Variants in SPATA9 observed in about 807,000 individuals in gnomAD.
The protein encoded by SPATA9 is spermatogenesis associated 9, also known as spermatogenesis-associated protein 9.
In SPATA9, 27 loss-of-function variants were observed where a neutral mutation model predicts 25.5. That is an observed-to-expected ratio of 1.06 (90% CI 0.78 to 1.46). SPATA9 has a LOEUF of 1.46. Among genes scored for constraint, SPATA9 ranks in the 40% most tolerant of loss-of-function variants. SPATA9 has a pLI of 0.00. For missense variants in SPATA9, 282 were observed against 297.5 expected (o/e 0.95, Z 0.38); for synonymous variants, 102 against 105.7 (o/e 0.97, Z 0.21).
intron 1 of SPATA9, among the ~76,000 whole-genome samples, chr5:95,690,351 T>A (rs10038706): frequency 6.6e-6 from 1 of 152,026 alleles, no homozygotes; most frequent in Non-Finnish European, 1.5e-5. Flanking sequence ...GGTATCTAAA[T>A]TCTGGGCTTT....
At chr5:95,731,523 C>T in the SPATA9 span, 38 of 1,299,816 alleles carry the variant, frequency 2.9e-5, no homozygotes, top group African/African-American at 3.0e-4. Flanking sequence ...CTGGCGCGGC[C>T]CCGGCCCCGC....
At chr5:95,695,730 T>C (rs1409130080) in intron 1 of SPATA9, among the ~76,000 whole-genome samples, 2 of 152,208 alleles carry the variant, frequency 1.3e-5, no homozygotes, top group Non-Finnish European at 2.9e-5. Context: ...ATATATGAAA[T>C]ATTTGTTAAA....
At chr5:95,678,062 C>G (rs1753109614) in intron 2 of SPATA9, among the ~76,000 whole-genome samples, 1 of 152,106 alleles carries the variant, frequency 6.6e-6, no homozygotes, top group Non-Finnish European at 1.5e-5. Context: ...CAGAAGCCAT[C>G]ATCTCAAGCC....
chr5:95,729,914 A>T, the SPATA9 span, among the ~76,000 whole-genome samples: 2 of 152,074 alleles, frequency 1.3e-5, no homozygotes, highest in Non-Finnish European at 2.9e-5. Context: ...CCATTCATCC[A>T]TTCTAGTGTC....
the SPATA9 span, among the ~76,000 whole-genome samples, chr5:95,710,619 G>C: frequency 6.6e-6 from 1 of 152,130 alleles, no homozygotes; most frequent in Non-Finnish European, 1.5e-5. Flanking sequence ...GGCTTTCATG[G>C]ACAAACAGGT....
chr5:95,711,044 TA>T, the SPATA9 span, among the ~76,000 whole-genome samples: 1 of 152,146 alleles, frequency 6.6e-6, no homozygotes. Flanking sequence ...GGAGGTGCTC[TA>T]AAAACGCTCC....
intron 1 of SPATA9, among the ~76,000 whole-genome samples, chr5:95,695,409 C>T (rs1435338835): frequency 6.6e-6 from 1 of 150,932 alleles, no homozygotes; most frequent in Non-Finnish European, 1.5e-5. Flanking sequence ...ACCAGCCTGG[C>T]CAACATGGTG....
downstream of SPATA9, chr5:95,656,334 T>C: frequency 6.4e-7 from 1 of 1,558,970 alleles, no homozygotes; most frequent in Admixed American, 1.8e-5. Flanking sequence ...AAATGAAAAA[T>C]GTTGTGTATG....
At chr5:95,720,730 A>G in the SPATA9 span, among the ~76,000 whole-genome samples, 1 of 151,922 alleles carries the variant, frequency 6.6e-6, no homozygotes, top group African/African-American at 2.4e-5. Flanking sequence ...CTTTTTGTTC[A>G]TAGATAGACT....
In SPATA9 at chr5:95,691,165, G is replaced by A. The variant is rs1037207395; in HGVS notation, n.124+7423C>T. Among the ~76,000 whole-genome samples the A allele has an allele frequency of 1.1e-4, 16 of 150,656 alleles. No homozygotes were observed. The East Asian group carries it at 1.2e-3, about 11-fold the overall frequency. On this transcript the variant is annotated intron_variant and non_coding_transcript_variant, in intron 1 of 2. Transcript: ENST00000379990. ...CGGGAGGGGGAGCTTGCAGTGAGCC[G>A]AGATCGTGCCACTGCACTCCAGCCT...
chr5:95,674,432 GGTTT>G (rs773659775), intron 3 of SPATA9, among the ~76,000 whole-genome samples: 7 of 152,134 alleles, frequency 4.6e-5, no homozygotes, highest in African/African-American at 7.2e-5. Context: ...TCATGTCCTT[GGTTT>G]AGAGGTAAGC....
intron 4 of SPATA9, among the ~76,000 whole-genome samples, chr5:95,663,649 C>G (rs1054143246): frequency 6.6e-6 from 1 of 151,954 alleles, no homozygotes; most frequent in Admixed American, 6.6e-5. Context: ...TTTAGCCAAC[C>G]ATGGTACAAT....
downstream of SPATA9, chr5:95,656,119 TG>T (rs1466878183): frequency 6.2e-7 from 1 of 1,613,680 alleles, no homozygotes; most frequent in African/African-American, 1.3e-5. Flanking sequence ...GGAGAAGGTC[TG>T]TACCAGTCTA....
chr5:95,727,053 T>A, the SPATA9 span, among the ~76,000 whole-genome samples: 1 of 152,214 alleles, frequency 6.6e-6, no homozygotes, highest in Non-Finnish European at 1.5e-5. Flanking sequence ...CCTTGAAGAC[T>A]CTGGCTCTAG....
downstream of SPATA9, chr5:95,656,402 A>C: frequency 2.1e-6 from 2 of 960,054 alleles, no homozygotes; most frequent in Non-Finnish European, 1.5e-6. Context: ...AAATTTTTCA[A>C]CATAGGCACA....
chr5:95,655,012 A>G (rs796978756), downstream of SPATA9, among the ~76,000 whole-genome samples: 19 of 152,300 alleles, frequency 1.2e-4, no homozygotes, highest in African/African-American at 4.3e-4. Context: ...TGGATTCCAA[A>G]ACTAGTCACC....
chr5:95,659,306 T>TA, intron 4 of SPATA9: 1 of 166,194 alleles, frequency 6.0e-6, no homozygotes, highest in Admixed American at 5.8e-5. Context: ...AGACTTTGCT[T>TA]ATACTTACAT....
upstream of SPATA9, among the ~76,000 whole-genome samples, chr5:95,685,209 C>A (rs1034769015): frequency 2.0e-5 from 3 of 152,200 alleles, no homozygotes; most frequent in East Asian, 1.9e-4. Context: ...TATGCACTGA[C>A]CTTTTGGTTT....
the SPATA9 span, chr5:95,731,582 G>A: frequency 5.1e-6 from 8 of 1,560,420 alleles, no homozygotes; most frequent in South Asian, 7.0e-5. Context: ...GACGCGGCCG[G>A]GGATGAGCGG....
Sources: allele counts gnomAD v4.1 joint callset (sites outside exome capture counted in the v4.1 genomes callset), GRCh38; gene constraint gnomAD v4.1.1; transcripts MANE v1.5; gene names NCBI Gene and HGNC (gene_info 2026-07-23, HGNC 2026-07-21).